PTPRQ: variants seen among roughly 807,000 people sequenced by gnomAD.
PTPRQ encodes phosphatidylinositol phosphatase PTPRQ.
A neutral mutation model predicts 246.0 loss-of-function variants in PTPRQ; 199 were observed. The observed-to-expected ratio is 0.81, with a 90% CI of 0.72 to 0.91. The LOEUF is 0.91. PTPRQ is among the 40% of genes least tolerant of loss of function. The probability of loss-of-function intolerance (pLI) is 0.00; values close to 1 mark genes in which losing one functional copy is unlikely to be tolerated. For missense variants in PTPRQ, 2,624 were observed against 2,528.4 expected, an observed-to-expected ratio of 1.04 and a Z score of -0.81; for synonymous variants, 869 against 853.2, an observed-to-expected ratio of 1.02 and a Z score of -0.32.
At chr12:80,510,561 G>C (rs1895096180) in intron 17 of PTPRQ, 118 bp downstream of exon 17, 1 of 1,027,402 alleles carries the variant, frequency 9.7e-7, no homozygotes, top group Admixed American at 3.8e-5. Flanking sequence ...TTATTAATAG[G>C]CTAGTTAATA....
intron 3 of PTPRQ, among the ~76,000 whole-genome samples, chr12:80,449,713 C>A (rs1892683988): frequency 6.6e-6 from 1 of 152,026 alleles, no homozygotes; most frequent in Non-Finnish European, 1.5e-5. Context: ...TCGGAGGGCT[C>A]TGTTCTGTTC....
At chr12:80,604,559 A>G (rs1191664460) in intron 26 of PTPRQ, among the ~76,000 whole-genome samples, 1 of 151,550 alleles carries the variant, frequency 6.6e-6, no homozygotes, top group Admixed American at 6.6e-5. Flanking sequence ...ACCATTTCAT[A>G]TTCTCCACCC....
chr12:80,611,032 CTG>C (rs1164512422), intron 28 of PTPRQ, among the ~76,000 whole-genome samples: 1 of 150,338 alleles, frequency 6.7e-6, no homozygotes, highest in Non-Finnish European at 1.5e-5. Context: ...TTGTAATACT[CTG>C]TGAGTATTAA....
chr12:80,619,659 A>G (rs1321010766), intron 31 of PTPRQ, 117 bp downstream of exon 31: 21 of 700,900 alleles, frequency 3.0e-5, no homozygotes, highest in Non-Finnish European at 4.0e-5. Flanking sequence ...CTTGAGATTA[A>G]TAGATTGTCA....
At chr12:80,528,829 T>C (rs1191042045) in intron 17 of PTPRQ, among the ~76,000 whole-genome samples, 2 of 152,216 alleles carry the variant, frequency 1.3e-5, no homozygotes, top group Non-Finnish European at 2.9e-5. Context: ...TAAAGCTATC[T>C]ATGGATTATT....
intron 26 of PTPRQ, among the ~76,000 whole-genome samples, chr12:80,590,383 A>G (rs1297896847): frequency 6.6e-6 from 1 of 151,964 alleles, no homozygotes; most frequent in Non-Finnish European, 1.5e-5. Context: ...AAACTATCCA[A>G]TGGGCTGGGC....
intron 20 of PTPRQ, among the ~76,000 whole-genome samples, chr12:80,541,007 G>A (rs1896133896): frequency 6.6e-6 from 1 of 152,024 alleles, no homozygotes; most frequent in Non-Finnish European, 1.5e-5. Context: ...TGTAAGTAGA[G>A]TAACTTTGTA....
At chr12:80,602,946 C>T (rs549926009) in intron 26 of PTPRQ, among the ~76,000 whole-genome samples, 44 of 151,776 alleles carry the variant, frequency 2.9e-4, no homozygotes, top group African/African-American at 9.9e-4. Flanking sequence ...TTTCCATTTG[C>T]CAGATAGGCC....
chr12:80,600,122 G>A lies in PTPRQ; in HGVS notation c.4610-4937G>A, dbSNP rs77722827. ...GATTTTTGGAAAAGTTCAAGAAATG[G>A]CATTAAAGCATAGCTCAGCAAGGGG... On this transcript the variant is annotated intron_variant, in intron 26 of 44. Coordinates refer to ENST00000644991, the MANE Select transcript of PTPRQ (RefSeq NM_001145026.2). 5.6e-3 allele frequency among the ~76,000 whole-genome samples: 849 copies of A among 151,910 alleles called. 24 individuals are homozygous for A. The South Asian group carries it at 0.066, about 12-fold the overall frequency.
intron 25 of PTPRQ, among the ~76,000 whole-genome samples, chr12:80,585,361 C>T (rs1027720768): frequency 1.2e-4 from 19 of 152,250 alleles, no homozygotes; most frequent in Admixed American, 1.2e-3. Flanking sequence ...TATTCAGGAG[C>T]TGAATGTTTC....
rs1416266529 is a variant in PTPRQ, at chr12:80,677,467, A to G, written c.6739-1135A>G. Among the ~76,000 whole-genome samples the G allele has an allele frequency of 3.9e-5, 6 of 152,336 alleles. No individual in the cohort carries two copies. In the South Asian group the frequency reaches 8.3e-4, roughly 21 times the overall value. On this transcript the variant is annotated intron_variant, in intron 43 of 44. Coordinates refer to ENST00000644991, the MANE Select transcript of PTPRQ (RefSeq NM_001145026.2). The stretch of plus-strand genomic sequence containing the variant: ...TTTTCTTTAAATTACATCTGCCCTT[A>G]AATGGTAAAGGTTGACTAGCTGTGA...
intron 33 of PTPRQ, among the ~76,000 whole-genome samples, chr12:80,627,344 T>C (rs1899239998): frequency 8.3e-6 from 1 of 120,904 alleles, no homozygotes; most frequent in Non-Finnish European, 1.8e-5. Context: ...AACTCAATTT[T>C]TATAATAATA....
chr12:80,512,609 G>T (rs534736886), intron 17 of PTPRQ: 1 of 152,270 alleles, frequency 6.6e-6, no homozygotes, highest in African/African-American at 2.4e-5. Context: ...TATAGAACAT[G>T]ACCTTTTATT....
intron 17 of PTPRQ, among the ~76,000 whole-genome samples, chr12:80,528,135 A>T (rs781518134): frequency 4.6e-5 from 7 of 152,214 alleles, no homozygotes; most frequent in Admixed American, 6.5e-5. Context: ...TAACCTTATG[A>T]CAATAAATTT....
chr12:80,536,779 G>T (rs1456946803), intron 19 of PTPRQ, among the ~76,000 whole-genome samples: 3 of 152,148 alleles, frequency 2.0e-5, no homozygotes, highest in East Asian at 3.9e-4. Flanking sequence ...GTTTACAATT[G>T]TAACAATATG....
At chr12:80,499,041 A>C (rs1894715274) in intron 14 of PTPRQ, among the ~76,000 whole-genome samples, 1 of 152,058 alleles carries the variant, frequency 6.6e-6, no homozygotes, top group African/African-American at 2.4e-5. Context: ...AAACATGCAG[A>C]GCCCTTTATT....
chr12:80,599,117 A>T (rs1197992332), intron 26 of PTPRQ, among the ~76,000 whole-genome samples: 1 of 151,968 alleles, frequency 6.6e-6, no homozygotes, highest in Admixed American at 6.6e-5. Context: ...CACACTCAGC[A>T]TCAAGACACA....
intron 16 of PTPRQ, 59 bp downstream of exon 16, chr12:80,506,729 G>A (rs982746150): frequency 1.2e-5 from 17 of 1,439,482 alleles, no homozygotes; most frequent in Middle Eastern, 1.8e-4. Flanking sequence ...AGAAACACAC[G>A]TATAGAATGA....
chr12:80,506,105 G>A lies in PTPRQ; in HGVS notation c.2354G>A (p.Ser785Asn). 2 of 1,543,260 alleles carry A rather than the reference G, an allele frequency of 1.3e-6. No homozygotes were observed. Among genetic ancestry groups the A allele is most frequent in the Non-Finnish European group, 1.7e-6 (2 of 1,143,780 alleles). The change falls in exon 15 of 45, where the codon AGT (serine) becomes AAT (asparagine). Residue 785 changes from serine (S) to asparagine (N), a missense_variant. Physicochemically the swap from Ser to Asn is conservative, Grantham distance 46. Coordinates refer to ENST00000644991, the MANE Select transcript of PTPRQ (RefSeq NM_001145026.2). ...EIELSFLPPS[S>N]PNGIIQKYTI... is the part of the protein sequence containing the mutation. The stretch of plus-strand genomic sequence containing the variant: ...GAGCTATCATTCCTTCCCCCAAGTA[G>A]TCCCAATGGAATCATACAAAAATAT...
Sources: allele counts gnomAD v4.1 joint callset (sites outside exome capture counted in the v4.1 genomes callset), GRCh38; gene constraint gnomAD v4.1.1; transcripts MANE v1.5; gene names NCBI Gene and HGNC (gene_info 2026-07-23, HGNC 2026-07-21).